SPTBN1: variants seen among roughly 807,000 people sequenced by gnomAD.
SPTBN1 encodes spectrin beta chain, non-erythrocytic 1.
SPTBN1 carries 32 observed loss-of-function variants against 266.4 expected under a neutral mutation model. That is an observed-to-expected ratio of 0.12 (90% CI 0.09 to 0.16). SPTBN1 has a LOEUF of 0.16. SPTBN1 is among the 10% of genes least tolerant of loss of function. The pLI is 1.00. For missense variants in SPTBN1, 2,296 were observed against 3,067.1 expected (o/e 0.75, Z 5.94); for synonymous variants, 1,336 against 1,162.2 (o/e 1.15, Z -3.04).
At chr2:54,534,437 C>A (rs1249663949) in intron 2 of SPTBN1, among the ~76,000 whole-genome samples, 1 of 152,196 alleles carries the variant, frequency 6.6e-6, no homozygotes, top group African/African-American at 2.4e-5. Context: ...TTTGTGAAAT[C>A]TGAATCTGAA....
intron 2 of SPTBN1, among the ~76,000 whole-genome samples, chr2:54,564,171 A>T (rs1222130004): frequency 6.6e-6 from 1 of 152,214 alleles, no homozygotes; most frequent in Non-Finnish European, 1.5e-5. Context: ...GGGAATACCA[A>T]CTTTTTCTTA....
At chr2:54,487,599 T>C (rs991602349) in intron 1 of SPTBN1, among the ~76,000 whole-genome samples, 4 of 152,174 alleles carry the variant, frequency 2.6e-5, no homozygotes, top group Admixed American at 6.5e-5. Context: ...TATTATCTAA[T>C]GTCACATTTC....
chr2:54,612,762 G>A (rs76388725), intron 4 of SPTBN1, among the ~76,000 whole-genome samples: 30 of 152,096 alleles, frequency 2.0e-4, no homozygotes, highest in Middle Eastern at 3.4e-3. Context: ...AACATTTTTT[G>A]GCAAAGCTGT....
chr2:54,595,287 T>A (rs777901474), intron 2 of SPTBN1, among the ~76,000 whole-genome samples: 1 of 152,192 alleles, frequency 6.6e-6, no homozygotes. Flanking sequence ...TTATAATACG[T>A]AAGCTTAGTA....
intron 1 of SPTBN1, among the ~76,000 whole-genome samples, chr2:54,487,899 A>G (rs1272790395): frequency 4.9e-5 from 6 of 121,300 alleles, no homozygotes; most frequent in East Asian, 2.8e-4. Flanking sequence ...GCACGATCTC[A>G]GCTCACTGCA....
At chr2:54,658,839 G>A (rs992146919) in intron 30 of SPTBN1, among the ~76,000 whole-genome samples, 6 of 152,184 alleles carry the variant, frequency 3.9e-5, no homozygotes, top group African/African-American at 1.2e-4. Context: ...TGAACCCTCA[G>A]GCTCAGGTAC....
At chr2:54,602,828 A>G (rs948898244) in intron 3 of SPTBN1, among the ~76,000 whole-genome samples, 1 of 152,224 alleles carries the variant, frequency 6.6e-6, no homozygotes. Flanking sequence ...TTAAGCCTCA[A>G]ATCCCACGTT....
At chr2:54,594,851 T>TTTTTTTTG (rs10673399) in intron 2 of SPTBN1, among the ~76,000 whole-genome samples, 2,199 of 144,616 alleles carry the variant, frequency 0.015, 108 homozygotes, top group African/African-American at 0.056. Context: ...TTTTTTTTTT[T>TTTTTTTTG]GAGACAGAGT....
chr2:54,489,526 C>A (rs1668576440), intron 1 of SPTBN1, among the ~76,000 whole-genome samples: 1 of 141,172 alleles, frequency 7.1e-6, no homozygotes, highest in Non-Finnish European at 1.6e-5. Context: ...CATGGTGAAA[C>A]CCCGTCTTAC....
At chr2:54,599,305 G>T in intron 3 of SPTBN1, 62 bp downstream of exon 3, 1 of 1,583,610 alleles carries the variant, frequency 6.3e-7, no homozygotes, top group Non-Finnish European at 8.6e-7. Flanking sequence ...GAAAAATCAA[G>T]TGTGACTTGT....
intron 2 of SPTBN1, among the ~76,000 whole-genome samples, chr2:54,582,886 G>A (rs564568673): frequency 6.6e-6 from 1 of 152,298 alleles, no homozygotes; most frequent in East Asian, 1.9e-4. Context: ...GCTTGAATTT[G>A]CTCTTATACA....
At chr2:54,620,191 T>G (rs927715580) in intron 7 of SPTBN1, among the ~76,000 whole-genome samples, 1 of 152,210 alleles carries the variant, frequency 6.6e-6, no homozygotes, top group Non-Finnish European at 1.5e-5. Flanking sequence ...CCGGACAGGC[T>G]TCTGCCCTTG....
intron 2 of SPTBN1, among the ~76,000 whole-genome samples, chr2:54,548,651 C>G (rs573661702): frequency 6.6e-6 from 1 of 152,360 alleles, no homozygotes; most frequent in African/African-American, 2.4e-5. Flanking sequence ...AGAAGGCCTG[C>G]TTTCTAATCT....
At position 54,471,101 on chromosome 2, in the gene SPTBN1, G is replaced by C. The variant is rs1167555862; in HGVS notation, c.-48+14583G>C. Among the ~76,000 whole-genome samples, 4 of 152,088 alleles carry C rather than the reference G, an allele frequency of 2.6e-5. No homozygotes were observed. The East Asian group carries it at 7.7e-4, about 29-fold the overall frequency. On this transcript the variant is annotated intron_variant, in intron 1 of 35. Transcript: ENST00000356805. ...TCAATTAATAATCTTCAAAATGTAG[G>C]GATTAGGTGGGGTGGCTCATGCCTG...
intron 1 of SPTBN1, among the ~76,000 whole-genome samples, chr2:54,480,529 C>G (rs1308209804): frequency 6.6e-6 from 1 of 152,192 alleles, no homozygotes; most frequent in Non-Finnish European, 1.5e-5. Context: ...CAGTATTTAT[C>G]TAGCAATCCT....
intron 16 of SPTBN1, among the ~76,000 whole-genome samples, chr2:54,631,963 G>C (rs1678762210): frequency 6.6e-6 from 1 of 151,856 alleles, no homozygotes; most frequent in Admixed American, 6.6e-5. Context: ...TGTAATCCCA[G>C]CTCTTGGGGA....
At chr2:54,579,766 A>G (rs573905155) in intron 2 of SPTBN1, among the ~76,000 whole-genome samples, 1 of 152,388 alleles carries the variant, frequency 6.6e-6, no homozygotes, top group Non-Finnish European at 1.5e-5. Context: ...TAGCCAATGC[A>G]TTAAGACTAA....
chr2:54,662,717 A>G (rs895045544), intron 32 of SPTBN1: 1 of 151,996 alleles, frequency 6.6e-6, no homozygotes, highest in Non-Finnish European at 1.5e-5. Flanking sequence ...TTTAAAGTCC[A>G]CTCACATTAT....
At chr2:54,563,026 A>G (rs1192070040) in intron 2 of SPTBN1, among the ~76,000 whole-genome samples, 1 of 152,122 alleles carries the variant, frequency 6.6e-6, no homozygotes, top group African/African-American at 2.4e-5. Context: ...ATACCTGTGA[A>G]GTTTTAGAGG....
Sources: gnomAD v4.1 joint callset for allele counts (sites outside exome capture counted in the v4.1 genomes callset) on GRCh38, gnomAD v4.1.1 for gene constraint, MANE v1.5 for transcripts, NCBI Gene and HGNC (gene_info 2026-07-23, HGNC 2026-07-21) for gene names.